PRKN: variants seen among roughly 807,000 people sequenced by gnomAD.
PRKN encodes E3 ubiquitin-protein ligase parkin.
PRKN carries 56 observed loss-of-function variants against 59.5 expected under a neutral mutation model. That is an observed-to-expected ratio of 0.94 (90% CI 0.76 to 1.18). PRKN has a LOEUF of 1.18. Ranked by LOEUF, PRKN falls within the 50% of genes most tolerant of loss-of-function variation. PRKN has a pLI of 0.00. For synonymous variants in PRKN, 250 were observed against 222.1 expected, an observed-to-expected ratio of 1.13 and a Z score of -1.12; for missense variants, 657 against 596.4, an observed-to-expected ratio of 1.10 and a Z score of -1.06.
rs77870589 is a variant in PRKN, at chr6:161,356,838, G to C, written c.1285+3250C>G. 2.3e-3 allele frequency among the ~76,000 whole-genome samples: 356 copies of C among 152,210 alleles called. 2 individuals are homozygous for C. The highest frequency in any genetic ancestry group is 8.3e-3 in the African/African-American group (345 of 41,532). On this transcript the variant is annotated intron_variant, in intron 11 of 11. Coordinates refer to ENST00000366898, the MANE Select transcript of PRKN (RefSeq NM_004562.3). This position sits in a 1 kb window ranked among gnomAD's most constrained non-coding sequence, Gnocchi z 7.8. Reference sequence around the variant, plus strand: ...ACTAAGGAAGCAGCTGGCTATTGGAGTCGGACCGAGGGGCGAGATGAGGGT... The same window carrying C: ...ACTAAGGAAGCAGCTGGCTATTGGACTCGGACCGAGGGGCGAGATGAGGGT...
intron 1 of PRKN, among the ~76,000 whole-genome samples, chr6:162,447,179 C>T (rs567204089): frequency 6.6e-6 from 1 of 152,284 alleles, no homozygotes; most frequent in East Asian, 1.9e-4. Context: ...GTTCCCTATT[C>T]TAGGCACCTA....
chr6:161,512,285 G>A (rs1419624844), intron 9 of PRKN, among the ~76,000 whole-genome samples: 2 of 82,306 alleles, frequency 2.4e-5, no homozygotes, highest in East Asian at 6.8e-4. Context: ...ACAACTCTAA[G>A]GAAATGACCC....
chr6:162,171,464 G>A (rs929192708), intron 4 of PRKN, among the ~76,000 whole-genome samples: 4 of 152,058 alleles, frequency 2.6e-5, no homozygotes, highest in Admixed American at 6.5e-5. Flanking sequence ...TTTCTTCACC[G>A]CTCCGTTTCA....
At chr6:162,353,048 G>C (rs1252958556) in intron 2 of PRKN, among the ~76,000 whole-genome samples, 1 of 152,028 alleles carries the variant, frequency 6.6e-6, no homozygotes, top group East Asian at 1.9e-4. Context: ...CTAGTATGTT[G>C]AATGAGAAGT....
At chr6:162,124,029 C>G (rs1488053040) in intron 4 of PRKN, among the ~76,000 whole-genome samples, 1 of 152,090 alleles carries the variant, frequency 6.6e-6, no homozygotes, top group Non-Finnish European at 1.5e-5. Flanking sequence ...GCACACAACC[C>G]GAGCAACAAT....
chr6:162,074,803 C>T lies in PRKN; in HGVS notation c.535-20629G>A, dbSNP rs77202863. ...TTAAACCAATGAAATGCCAACAACG[C>T]GTTTCCCCCTTCACAACTTCCAGTC... On this transcript the variant is annotated intron_variant, in intron 4 of 11. Transcript: ENST00000366898. 3.8e-3 allele frequency among the ~76,000 whole-genome samples: 581 copies of T among 152,230 alleles called. 5 individuals are homozygous for T. The highest frequency in any genetic ancestry group is 0.013 in the African/African-American group (533 of 41,544).
intron 7 of PRKN, among the ~76,000 whole-genome samples, chr6:161,711,443 CAT>C (rs1000541853): frequency 1.3e-5 from 2 of 152,246 alleles, no homozygotes; most frequent in Admixed American, 6.5e-5. Flanking sequence ...GAGAAGTCGT[CAT>C]ATGTGGAAAA....
At chr6:162,104,828 T>C (rs1780122217) in intron 4 of PRKN, among the ~76,000 whole-genome samples, 1 of 152,066 alleles carries the variant, frequency 6.6e-6, no homozygotes, top group African/African-American at 2.4e-5. Flanking sequence ...AAATGCAAAA[T>C]TAAGAAGTAA....
intron 7 of PRKN, among the ~76,000 whole-genome samples, chr6:161,701,211 C>G (rs1786237503): frequency 6.6e-6 from 1 of 152,192 alleles, no homozygotes; most frequent in Admixed American, 6.5e-5. Context: ...GGAAAGAGTT[C>G]TTCCTTGGGT....
intron 2 of PRKN, among the ~76,000 whole-genome samples, chr6:162,440,689 T>C (rs1045525185): frequency 6.6e-6 from 1 of 152,116 alleles, no homozygotes; most frequent in Non-Finnish European, 1.5e-5. Flanking sequence ...TCTTCTTCTC[T>C]TCAGGACACC....
At chr6:162,484,773 G>A (rs1407975772) in intron 1 of PRKN, among the ~76,000 whole-genome samples, 1 of 152,160 alleles carries the variant, frequency 6.6e-6, no homozygotes, top group Non-Finnish European at 1.5e-5. Context: ...TGTTCATCAT[G>A]TTTGCTCATT....
chr6:161,913,889 G>A (rs1778457582), intron 6 of PRKN, among the ~76,000 whole-genome samples: 1 of 152,118 alleles, frequency 6.6e-6, no homozygotes, highest in East Asian at 1.9e-4. Context: ...AGAAACCAGA[G>A]CTCACTCTCT....
intron 1 of PRKN, among the ~76,000 whole-genome samples, chr6:162,667,924 T>A (rs1321081547): frequency 6.6e-6 from 1 of 152,142 alleles, no homozygotes; most frequent in Non-Finnish European, 1.5e-5. Flanking sequence ...ACATAGTAAA[T>A]ACTCAATGAA....
At chr6:162,392,663 T>C (rs1042628036) in intron 2 of PRKN, among the ~76,000 whole-genome samples, 2 of 152,194 alleles carry the variant, frequency 1.3e-5, no homozygotes, top group African/African-American at 2.4e-5. Flanking sequence ...TTAGACAAAG[T>C]GGACTCAGCC....
rs144381436 is a variant in PRKN at position 161,821,282 on chromosome 6, C to T, written c.735-35374G>A. Among the ~76,000 whole-genome samples the T allele has an allele frequency of 2.0e-5, 3 of 152,208 alleles. No homozygotes were observed. In the East Asian group the frequency reaches 5.8e-4, roughly 29 times the overall value. On this transcript the variant is annotated intron_variant, in intron 6 of 11. Coordinates refer to ENST00000366898, the MANE Select transcript of PRKN (RefSeq NM_004562.3). ...AACATAAATCTTTTAAAAATATAGG[C>T]AGAATTAAATCTTTTTAAAATATAG...
At chr6:161,571,709 C>T (rs1780896232) in intron 7 of PRKN, among the ~76,000 whole-genome samples, 1 of 152,008 alleles carries the variant, frequency 6.6e-6, no homozygotes, top group South Asian at 2.1e-4. Context: ...CTAAGGGGTG[C>T]CCAGATAGCT....
At chr6:162,139,354 A>G (rs1048482449) in intron 4 of PRKN, among the ~76,000 whole-genome samples, 1 of 152,234 alleles carries the variant, frequency 6.6e-6, no homozygotes, top group Non-Finnish European at 1.5e-5. Flanking sequence ...ACAAAAATAT[A>G]AAGCCTTCCC....
chr6:162,683,192 T>C (rs980714499), intron 1 of PRKN, among the ~76,000 whole-genome samples: 23 of 152,190 alleles, frequency 1.5e-4, no homozygotes, highest in African/African-American at 5.5e-4. Context: ...TATCTTATTC[T>C]AGGCCTATGC....
chr6:161,570,817 A>C (rs1350302126), intron 7 of PRKN, among the ~76,000 whole-genome samples: 2 of 152,196 alleles, frequency 1.3e-5, no homozygotes, highest in Non-Finnish European at 2.9e-5. Context: ...TAAGCCTCAC[A>C]TTGTTCGAGG....
Sources: gnomAD v4.1 joint callset for allele counts (sites outside exome capture counted in the v4.1 genomes callset) on GRCh38, gnomAD v4.1.1 for gene constraint, Gnocchi (gnomAD v3.1) non-coding constraint, MANE v1.5 for transcripts, NCBI Gene and HGNC (gene_info 2026-07-23, HGNC 2026-07-21) for gene names.